The following SCMH1 variants were observed in gnomAD, a reference collection of about 807,000 sequenced individuals.
The protein encoded by SCMH1 is polycomb protein SCMH1.
In SCMH1, 37 loss-of-function variants were observed where a neutral mutation model predicts 70.8. The ratio of observed to expected loss-of-function variants is 0.52; its 90% CI spans 0.40 to 0.69. The LOEUF is 0.69. Among genes scored for constraint, SCMH1 ranks in the 30% least tolerant of loss-of-function variants. SCMH1 has a pLI of 0.00. For synonymous variants in SCMH1, 292 were observed against 307.4 expected (o/e 0.95, Z 0.52); for missense variants, 607 against 827.3 (o/e 0.73, Z 3.27).
chr1:41,031,627 G>A (rs912459832), intron 13 of SCMH1, among the ~76,000 whole-genome samples: 4 of 152,142 alleles, frequency 2.6e-5, no homozygotes, highest in Admixed American at 2.6e-4. Context: ...AAAGTTGGAG[G>A]GGGCTCTGTG....
Position 41,083,397 on chromosome 1 carries a change from A to C in SCMH1, c.746-7946T>G, listed in dbSNP as rs558661138. On this transcript the variant is annotated intron_variant, in intron 8 of 14. Coordinates refer to ENST00000337495, the Ensembl canonical transcript of SCMH1. Reference sequence around the variant, plus strand: ...ACAATTGCTTCAAAGAGAATAAAATACCTAGGAATCCAACTTACAAGGGAA... The same window carrying C: ...ACAATTGCTTCAAAGAGAATAAAATCCCTAGGAATCCAACTTACAAGGGAA... 4.9e-4 allele frequency among the ~76,000 whole-genome samples: 74 copies of C among 152,326 alleles called. No homozygotes were observed. In the East Asian group the frequency reaches 0.014, roughly 29 times the overall value.
In SCMH1 at chr1:41,047,392, C is replaced by CTT. The variant is rs397861246; in HGVS notation, c.1307-796_1307-795dup. Among the ~76,000 whole-genome samples the CTT allele has an allele frequency of 5.9e-3, 660 of 112,314 alleles. 3 individuals carry two copies. The highest frequency in any genetic ancestry group is 8.1e-3 in the East Asian group (29 of 3,568). 73.7% of individuals were successfully genotyped at this position (112,314 alleles called of 152,430 possible). A position where few individuals can be genotyped will look rare whatever the true frequency, so the allele number is the denominator to read the frequency against. On this transcript the variant is annotated intron_variant, in intron 11 of 14. Coordinates refer to ENST00000337495, the Ensembl canonical transcript of SCMH1. ...CTTAATTTCCCAGGCACTTCCCAGT[C>CTT]TTTTTTTTTTTTTTTTTTTTTTGAG...
At chr1:41,144,265 C>T (rs1644358361) in intron 5 of SCMH1, among the ~76,000 whole-genome samples, 1 of 152,148 alleles carries the variant, frequency 6.6e-6, no homozygotes, top group Non-Finnish European at 1.5e-5. Context: ...CCCCATTACC[C>T]TCTCAGCCCA....
intron 1 of SCMH1, among the ~76,000 whole-genome samples, chr1:41,186,608 G>A (rs964640984): frequency 6.6e-6 from 1 of 152,240 alleles, no homozygotes; most frequent in African/African-American, 2.4e-5. Flanking sequence ...AAATTCATAC[G>A]TTAAAGCCCT....
intron 1 of SCMH1, among the ~76,000 whole-genome samples, chr1:41,199,064 G>C (rs1374805045): frequency 1.3e-5 from 2 of 152,132 alleles, no homozygotes; most frequent in Non-Finnish European, 1.5e-5. Flanking sequence ...AAAGAGGCTA[G>C]GATCATTCTG....
intron 2 of SCMH1, among the ~76,000 whole-genome samples, chr1:41,174,667 C>T (rs1646997388): frequency 1.3e-5 from 2 of 152,116 alleles, no homozygotes; most frequent in South Asian, 2.1e-4. Context: ...GAAACAAGAA[C>T]TGTAATTGTT....
intron 4 of SCMH1, among the ~76,000 whole-genome samples, chr1:41,157,798 G>A (rs1170122619): frequency 6.6e-6 from 1 of 152,090 alleles, no homozygotes; most frequent in Non-Finnish European, 1.5e-5. Context: ...GAAAAGGGCT[G>A]GACAAATTTT....
At chr1:41,172,572 T>C (rs187055567) in intron 2 of SCMH1, among the ~76,000 whole-genome samples, 5 of 150,784 alleles carry the variant, frequency 3.3e-5, no homozygotes, top group Admixed American at 1.3e-4. Context: ...TTCACAAAAA[T>C]AGAAAAAAAA....
At chr1:41,145,685 T>C (rs991346968) in intron 5 of SCMH1, among the ~76,000 whole-genome samples, 3 of 152,210 alleles carry the variant, frequency 2.0e-5, no homozygotes, top group Non-Finnish European at 2.9e-5. Flanking sequence ...TATAGTCATG[T>C]TCTGCATAAT....
At chr1:41,098,030 A>C (rs1267367821) in intron 8 of SCMH1, among the ~76,000 whole-genome samples, 2 of 152,124 alleles carry the variant, frequency 1.3e-5, no homozygotes, top group Admixed American at 6.6e-5. Context: ...CTGGTTATCA[A>C]CTCTAAACAT....
intron 6 of SCMH1, among the ~76,000 whole-genome samples, chr1:41,142,613 G>C (rs1173255506): frequency 6.6e-6 from 1 of 152,184 alleles, no homozygotes; most frequent in Admixed American, 6.5e-5. Flanking sequence ...CTCTCTCTCA[G>C]GTAAATGGGC....
rs111687576 is a variant in SCMH1, at chr1:41,034,579, G to A, written c.1678+2783C>T. On this transcript the variant is annotated intron_variant, in intron 13 of 14. Transcript: ENST00000337495. The stretch of plus-strand genomic sequence containing the variant: ...CTTGACCTCGTGATCCACCCTCCTC[G>A]GCCTCCCAAAGTGCTGGGATTACAG... 9.7e-4 allele frequency among the ~76,000 whole-genome samples: 147 copies of A among 152,054 alleles called. 1 individual carries two copies. Among genetic ancestry groups the A allele is most frequent in the African/African-American group, 2.9e-3 (120 of 41,482 alleles).
intron 7 of SCMH1, among the ~76,000 whole-genome samples, chr1:41,114,039 C>A (rs1038715562): frequency 6.6e-6 from 1 of 151,978 alleles, no homozygotes; most frequent in Non-Finnish European, 1.5e-5. Context: ...ATATATATAT[C>A]GAAATTTATT....
intron 1 of SCMH1, among the ~76,000 whole-genome samples, chr1:41,221,641 A>G (rs1251464493): frequency 6.6e-6 from 1 of 151,584 alleles, no homozygotes; most frequent in African/African-American, 2.4e-5. Flanking sequence ...TAATCCCAGC[A>G]CTTTGGGAAG....
At chr1:41,055,610 G>A (rs1649973564) in intron 10 of SCMH1, among the ~76,000 whole-genome samples, 1 of 152,256 alleles carries the variant, frequency 6.6e-6, no homozygotes, top group South Asian at 2.1e-4. Flanking sequence ...GCGATTACAG[G>A]CGTGAGCCAC....
chr1:41,031,771 C>T (rs2802551), intron 13 of SCMH1, among the ~76,000 whole-genome samples: 53,419 of 152,054 alleles, frequency 0.35, 10,935 homozygotes, highest in Admixed American at 0.5. Flanking sequence ...TCTTGGACCA[C>T]CTTAGATAAT....
intron 10 of SCMH1, among the ~76,000 whole-genome samples, chr1:41,064,961 C>T (rs1031187117): frequency 1.3e-5 from 2 of 151,620 alleles, no homozygotes; most frequent in Admixed American, 1.3e-4. Flanking sequence ...TATGTTAGCA[C>T]CAGAAAATGA....
At chr1:41,220,660 C>T (rs879908323) in intron 1 of SCMH1, among the ~76,000 whole-genome samples, 7 of 152,180 alleles carry the variant, frequency 4.6e-5, no homozygotes, top group Non-Finnish European at 7.3e-5. Context: ...TAGGCCAATG[C>T]TAGAAATACA....
At chr1:41,032,109 T>C (rs1282006284) in intron 13 of SCMH1, among the ~76,000 whole-genome samples, 1 of 152,236 alleles carries the variant, frequency 6.6e-6, no homozygotes, top group Non-Finnish European at 1.5e-5. Flanking sequence ...CCAAATCTGC[T>C]GGTGCCTTGA....
Sources: gnomAD v4.1 joint callset for allele counts (sites outside exome capture counted in the v4.1 genomes callset) on GRCh38, gnomAD v4.1.1 for gene constraint, MANE v1.5 for transcripts, NCBI Gene and HGNC (gene_info 2026-07-23, HGNC 2026-07-21) for gene names.